The following PKP1 variants were observed in gnomAD, a reference collection of about 807,000 sequenced individuals.
PKP1 encodes the protein plakophilin 1, also known as plakophilin-1.
In PKP1, 27 loss-of-function variants were observed where a neutral mutation model predicts 76.4. That is an observed-to-expected ratio of 0.35 (90% CI 0.26 to 0.49). The LOEUF (loss-of-function observed/expected upper bound fraction) is 0.49, where lower values mean the gene tolerates loss of function less well. Among genes scored for constraint, PKP1 ranks in the 20% least tolerant of loss-of-function variants. The pLI, the probability that PKP1 is intolerant of heterozygous loss-of-function variation, is 0.99. For missense variants in PKP1, 964 were observed against 955.2 expected (o/e 1.01, Z -0.12); for synonymous variants, 404 against 384.2 (o/e 1.05, Z -0.60).
At chr1:201,321,947 G>T (rs1438829431) in intron 7 of PKP1, 31 bp from the exon 8 acceptor site, 3 of 1,613,472 alleles carry the variant, frequency 1.9e-6, no homozygotes, top group Non-Finnish European at 2.5e-6. Flanking sequence ...CCGGGCAGAG[G>T]CTCAGGCCCA....
intron 13 of PKP1, among the ~76,000 whole-genome samples, chr1:201,329,789 A>G (rs1571567725): frequency 6.6e-6 from 1 of 152,224 alleles, no homozygotes; most frequent in East Asian, 1.9e-4. Context: ...TGAAGGCAGA[A>G]AAGGGGAAAG....
At chr1:201,321,892 C>A in intron 7 of PKP1, 86 bp from the exon 8 acceptor site, 1 of 1,511,774 alleles carries the variant, frequency 6.6e-7, no homozygotes, top group Non-Finnish European at 9.1e-7. Context: ...GGTGCCTCTG[C>A]TCTCTTATTA....
At chr1:201,307,572 G>A (rs1006228924) in intron 2 of PKP1, among the ~76,000 whole-genome samples, 2 of 152,166 alleles carry the variant, frequency 1.3e-5, no homozygotes, top group African/African-American at 2.4e-5. Context: ...CAAACCCCTA[G>A]AGAGGGTAGA....
At chr1:201,317,541 A>G (rs1296528617) in intron 4 of PKP1, 31 bp from the exon 5 acceptor site, 1 of 1,585,154 alleles carries the variant, frequency 6.3e-7, no homozygotes, top group East Asian at 2.2e-5. Flanking sequence ...ATCTCCCTTG[A>G]CCAGGCAGCG....
At chr1:201,286,258 C>T (rs1655732952) in intron 1 of PKP1, among the ~76,000 whole-genome samples, 1 of 152,118 alleles carries the variant, frequency 6.6e-6, no homozygotes, top group Non-Finnish European at 1.5e-5. Context: ...GATTCAGGTT[C>T]TTGTTTAGTC....
At chr1:201,296,874 A>G (rs1324514724) in intron 2 of PKP1, among the ~76,000 whole-genome samples, 1 of 152,144 alleles carries the variant, frequency 6.6e-6, no homozygotes, top group African/African-American at 2.4e-5. Flanking sequence ...AATATTACTC[A>G]CTTGGAGCAC....
chr1:201,314,079 C>T (rs1162650085), intron 3 of PKP1, among the ~76,000 whole-genome samples: 3 of 152,148 alleles, frequency 2.0e-5, no homozygotes, highest in Non-Finnish European at 2.9e-5. Flanking sequence ...CCGGTATGGA[C>T]GACGGGAATA....
Position 201,305,242 on chromosome 1 carries a change from G to A in PKP1, c.307-7924G>A, listed in dbSNP as rs1053936820. Among the ~76,000 whole-genome samples, 6 of 152,200 alleles carry A rather than the reference G, an allele frequency of 3.9e-5. 1 individual carries two copies. The highest frequency in any genetic ancestry group is 3.9e-4 in the Admixed American group (6 of 15,288). Reference sequence around the variant, plus strand: ...GTAAAATTCTTGACTAACAGGCCAGGCACAGTGGCTCACACCTGTAATCCC... The same window carrying A: ...GTAAAATTCTTGACTAACAGGCCAGACACAGTGGCTCACACCTGTAATCCC... On this transcript the variant is annotated intron_variant, in intron 2 of 13. Transcript: ENST00000367324.
At chr1:201,306,917 G>A (rs191367609) in intron 2 of PKP1, among the ~76,000 whole-genome samples, 80 of 152,238 alleles carry the variant, frequency 5.3e-4, no homozygotes, top group Non-Finnish European at 9.4e-4. Context: ...TGATCCGCCC[G>A]CCTCGGCCTC....
At chr1:201,329,804 T>C (rs1657261854) in intron 13 of PKP1, among the ~76,000 whole-genome samples, 1 of 152,228 alleles carries the variant, frequency 6.6e-6, no homozygotes, top group Non-Finnish European at 1.5e-5. Flanking sequence ...GGAAAGAGAT[T>C]CGGTTTGGCA....
chr1:201,299,921 C>T (rs373365006), intron 2 of PKP1, among the ~76,000 whole-genome samples: 134 of 152,344 alleles, frequency 8.8e-4, no homozygotes, highest in Middle Eastern at 3.4e-3. Flanking sequence ...TGCCGGGCCT[C>T]TCGTCTTTTC....
At chr1:201,324,816 C>A in intron 10 of PKP1, 125 bp from the exon 11 acceptor site, 1 of 1,097,796 alleles carries the variant, frequency 9.1e-7, no homozygotes, top group South Asian at 1.4e-5. Context: ...TGCCAGGAAG[C>A]CCTGAGGGCC....
Position 201,325,143 on chromosome 1 carries a change from C to T in PKP1, c.2021+16C>T, listed in dbSNP as rs114226537. On this transcript the variant is annotated intron_variant, in intron 11 of 13. Coordinates refer to ENST00000367324, the MANE Select transcript of PKP1 (RefSeq NM_001005337.3). ...GCCGAAGCAGGTGGGCGGGGGGTTG[C>T]TCCCACGGGCTGCACCCCAATCAGA... The T allele has an allele frequency of 2.4e-3, 3,836 of 1,611,914 alleles. 67 individuals are homozygous for T. The African/African-American group carries it at 0.045, about 19-fold the overall frequency.
In PKP1 at chr1:201,332,734, T is replaced by C. The variant is rs1657370791; in HGVS notation, c.*2693T>C. The C allele has an allele frequency of 6.6e-6, 1 of 152,170 alleles. No homozygotes were observed. The highest frequency in any genetic ancestry group is 1.5e-5 in the Non-Finnish European group (1 of 68,054). The allele number at this position is 152,170 out of a possible 1,614,324, so 9.4% of individuals were successfully genotyped here. On this transcript the variant is annotated 3_prime_UTR_variant, in exon 14 of 14. Transcript: ENST00000367324. ...CCTCCTGGGGACCCAAGAGGCAGTG[T>C]TGCTGTCTGCATGTCCACCTTGGAA...
chr1:201,324,323 G>A, intron 9 of PKP1, 105 bp from the exon 10 acceptor site: 2 of 1,214,112 alleles, frequency 1.6e-6, no homozygotes, highest in Non-Finnish European at 2.4e-6. Context: ...ATATGAAAGA[G>A]AAAGGGTTCT....
At chr1:201,287,947 T>C (rs1655785150) in intron 1 of PKP1, among the ~76,000 whole-genome samples, 1 of 152,224 alleles carries the variant, frequency 6.6e-6, no homozygotes, top group Non-Finnish European at 1.5e-5. Context: ...CGCACACATG[T>C]ATACACACAT....
intron 2 of PKP1, among the ~76,000 whole-genome samples, chr1:201,309,599 A>G (rs981495766): frequency 6.6e-6 from 1 of 152,148 alleles, no homozygotes. Flanking sequence ...TCAAACAGCC[A>G]GACGCTGCCA....
At chr1:201,294,576 A>C (rs1163378901) in intron 2 of PKP1, among the ~76,000 whole-genome samples, 4 of 152,218 alleles carry the variant, frequency 2.6e-5, no homozygotes, top group African/African-American at 9.6e-5. Flanking sequence ...GGCTTTGGGC[A>C]AGTTACTTCA....
chr1:201,289,970 C>T (rs1401997264), intron 1 of PKP1, among the ~76,000 whole-genome samples: 1 of 152,158 alleles, frequency 6.6e-6, no homozygotes, highest in Non-Finnish European at 1.5e-5. Context: ...GAGGATGAGT[C>T]ATCCCTGCAA....
Sources: allele counts gnomAD v4.1 joint callset (sites outside exome capture counted in the v4.1 genomes callset), GRCh38; gene constraint gnomAD v4.1.1; transcripts MANE v1.5; gene names NCBI Gene and HGNC (gene_info 2026-07-23, HGNC 2026-07-21).